Variants in PTPRT observed in about 807,000 individuals in gnomAD.
PTPRT encodes the protein protein tyrosine phosphatase receptor type T.
Under a neutral mutation model 176.8 loss-of-function variants are expected in PTPRT, and 56 were observed. The ratio of observed to expected loss-of-function variants is 0.32; its 90% CI spans 0.26 to 0.40. PTPRT has a LOEUF of 0.40. Among genes scored for constraint, PTPRT ranks in the 10% least tolerant of loss-of-function variants. The pLI, the probability that PTPRT is intolerant of heterozygous loss-of-function variation, is 1.00. For synonymous variants in PTPRT, 783 were observed against 739.0 expected, an observed-to-expected ratio of 1.06 and a Z score of -0.96; for missense variants, 1,540 against 1,908.2, an observed-to-expected ratio of 0.81 and a Z score of 3.60.
At chr20:42,966,457 G>A (rs1160956772) in intron 1 of PTPRT, 2 of 151,966 alleles carry the variant, frequency 1.3e-5, no homozygotes, top group African/African-American at 2.4e-5. Flanking sequence ...TATGTCACAC[G>A]AGCTGTCACA....
chr20:42,832,801 T>TAAAA lies in PTPRT; in HGVS notation c.215-41339_215-41336dup, dbSNP rs778457370. On this transcript the variant is annotated intron_variant, in intron 2 of 30. Coordinates refer to ENST00000373187, the MANE Select transcript of PTPRT (RefSeq NM_007050.6). ...CCAAAAGCCAACTAATAGGATTTGT[T>TAAAA]AAAAAAAAAAAAAAAAAAAAGGCCA... Among the ~76,000 whole-genome samples the TAAAA allele has an allele frequency of 2.0e-3, 214 of 107,308 alleles. 7 individuals carry two copies. The highest frequency in any genetic ancestry group is 5.2e-3 in the African/African-American group (144 of 27,592). 70.4% of individuals were successfully genotyped at this position (107,308 alleles called of 152,430 possible).
intron 7 of PTPRT, among the ~76,000 whole-genome samples, chr20:42,594,170 C>T (rs1039956687): frequency 6.6e-6 from 1 of 152,112 alleles, no homozygotes. Context: ...GAGGTGGCAA[C>T]TCCTGCCAAA....
intron 7 of PTPRT, among the ~76,000 whole-genome samples, chr20:42,517,987 C>A (rs2072100789): frequency 6.6e-6 from 1 of 151,878 alleles, no homozygotes. Context: ...AGTATATATT[C>A]TCCTGATTAA....
At chr20:42,505,911 C>T (rs373859949) in intron 7 of PTPRT, among the ~76,000 whole-genome samples, 2 of 152,088 alleles carry the variant, frequency 1.3e-5, no homozygotes, top group Non-Finnish European at 2.9e-5. Context: ...GTTCATTGTC[C>T]TTTTTAAAGC....
At position 43,027,690 on chromosome 20, in the gene PTPRT, C is replaced by T. The variant is rs534905499; in HGVS notation, c.89-141758G>A. On this transcript the variant is annotated intron_variant, in intron 1 of 30. Coordinates refer to ENST00000373187, the MANE Select transcript of PTPRT (RefSeq NM_007050.6). ...ACCTCAATCTTCAACTTCTCTAGCC[C>T]CCAGAACTGTGAGAAAATACATTTC... Among the ~76,000 whole-genome samples the T allele has an allele frequency of 1.1e-3, 170 of 152,210 alleles. 1 individual carries two copies. The highest frequency in any genetic ancestry group is 3.8e-3 in the African/African-American group (157 of 41,528).
intron 2 of PTPRT, among the ~76,000 whole-genome samples, chr20:42,826,352 T>A (rs1569178169): frequency 6.6e-6 from 1 of 152,232 alleles, no homozygotes; most frequent in Non-Finnish European, 1.5e-5. Flanking sequence ...AAATCCAGTT[T>A]ACTGTCTTAT....
At chr20:42,167,521 C>A (rs6030024) in intron 16 of PTPRT, among the ~76,000 whole-genome samples, 3,620 of 152,308 alleles carry the variant, frequency 0.024, 135 homozygotes, top group African/African-American at 0.083. Context: ...TAGTTCCTTA[C>A]CAGTATCAAT....
chr20:42,202,567 A>C (rs1486331993), intron 15 of PTPRT, among the ~76,000 whole-genome samples: 2 of 152,198 alleles, frequency 1.3e-5, no homozygotes, highest in East Asian at 3.8e-4. Flanking sequence ...TGACATTTTG[A>C]AATTTTATTC....
intron 1 of PTPRT, among the ~76,000 whole-genome samples, chr20:43,172,541 G>A (rs1336537637): frequency 6.6e-6 from 1 of 152,130 alleles, no homozygotes; most frequent in Non-Finnish European, 1.5e-5. Flanking sequence ...GGCAAACGAG[G>A]ACAATTGGTC....
intron 7 of PTPRT, among the ~76,000 whole-genome samples, chr20:42,639,342 T>C (rs2145924464): frequency 6.6e-6 from 1 of 152,252 alleles, no homozygotes; most frequent in East Asian, 1.9e-4. Context: ...CGAATGCACT[T>C]CCTCATTCCC....
chr20:43,020,210 A>T (rs1326345587), intron 1 of PTPRT, among the ~76,000 whole-genome samples: 2 of 129,930 alleles, frequency 1.5e-5, no homozygotes, highest in Non-Finnish European at 3.4e-5. Flanking sequence ...ATTATATATG[A>T]TATTTAATTA....
At chr20:42,088,603 C>T (rs1984274434) in intron 27 of PTPRT, among the ~76,000 whole-genome samples, 1 of 152,178 alleles carries the variant, frequency 6.6e-6, no homozygotes. Context: ...TACTATTGCC[C>T]ACAAGCCAAC....
intron 1 of PTPRT, among the ~76,000 whole-genome samples, chr20:43,159,583 C>T (rs190710640): frequency 3.1e-4 from 47 of 152,322 alleles, no homozygotes; most frequent in Admixed American, 7.2e-4. Context: ...CTCCTCATTA[C>T]GCCCTTTCCA....
At chr20:42,966,770 A>G (rs1982318102) in intron 1 of PTPRT, among the ~76,000 whole-genome samples, 2 of 152,236 alleles carry the variant, frequency 1.3e-5, no homozygotes, top group South Asian at 2.1e-4. Context: ...AGTTCATTCC[A>G]TTGTACGTGA....
At chr20:42,392,481 T>C (rs1389592817) in intron 9 of PTPRT, among the ~76,000 whole-genome samples, 1 of 152,216 alleles carries the variant, frequency 6.6e-6, no homozygotes, top group Non-Finnish European at 1.5e-5. Context: ...CACATATTTA[T>C]CTTTCTTTTT....
chr20:42,795,079 G>A (rs1282978831), intron 2 of PTPRT, among the ~76,000 whole-genome samples: 1 of 152,024 alleles, frequency 6.6e-6, no homozygotes, highest in Non-Finnish European at 1.5e-5. Flanking sequence ...TATCATCCCA[G>A]GGCTGTCAGT....
intron 7 of PTPRT, among the ~76,000 whole-genome samples, chr20:42,530,751 C>A (rs560059856): frequency 6.6e-6 from 1 of 152,176 alleles, no homozygotes; most frequent in Non-Finnish European, 1.5e-5. Flanking sequence ...GGGAATAGAG[C>A]GGGGAGATTC....
At chr20:43,158,434 T>A (rs780903182) in intron 1 of PTPRT, among the ~76,000 whole-genome samples, 9 of 152,202 alleles carry the variant, frequency 5.9e-5, no homozygotes, top group Non-Finnish European at 1.3e-4. Context: ...GTACTGGAGA[T>A]ACAAATTCGG....
chr20:42,178,402 T>C (rs1211966687), intron 16 of PTPRT, among the ~76,000 whole-genome samples: 1 of 152,180 alleles, frequency 6.6e-6, no homozygotes, highest in African/African-American at 2.4e-5. Flanking sequence ...GCAGCTGCAA[T>C]GAGAGGTCTG....
Sources: allele counts gnomAD v4.1 joint callset (sites outside exome capture counted in the v4.1 genomes callset), GRCh38; gene constraint gnomAD v4.1.1; transcripts MANE v1.5; gene names NCBI Gene and HGNC (gene_info 2026-07-23, HGNC 2026-07-21).